The following KYNU variants were observed in gnomAD, a reference collection of about 807,000 sequenced individuals.
KYNU encodes L-kynurenine hydrolase.
A neutral mutation model predicts 59.2 loss-of-function variants in KYNU; 54 were observed. The ratio of observed to expected loss-of-function variants is 0.91; its 90% CI spans 0.73 to 1.14. The LOEUF is 1.14. Ranked by LOEUF, KYNU falls within the 50% of genes most tolerant of loss-of-function variation. The pLI, the probability that KYNU is intolerant of heterozygous loss-of-function variation, is 0.00. For synonymous variants in KYNU, 177 were observed against 192.0 expected (o/e 0.92, Z 0.65); for missense variants, 567 against 554.4 (o/e 1.02, Z -0.23).
intron 8 of KYNU, among the ~76,000 whole-genome samples, chr2:142,977,372 G>T (rs865811257): frequency 2.1e-4 from 28 of 131,188 alleles, no homozygotes; most frequent in African/African-American, 3.8e-4. Flanking sequence ...ATTTTGTGTG[G>T]ATATATATAT....
At chr2:142,992,012 A>G (rs1184115912) in intron 10 of KYNU, among the ~76,000 whole-genome samples, 2 of 151,926 alleles carry the variant, frequency 1.3e-5, no homozygotes, top group African/African-American at 2.4e-5. Context: ...TCTATGAATT[A>G]CTCTACAAAT....
intron 3 of KYNU, among the ~76,000 whole-genome samples, chr2:142,923,333 A>G (rs1378908516): frequency 6.6e-6 from 1 of 152,252 alleles, no homozygotes; most frequent in Non-Finnish European, 1.5e-5. Flanking sequence ...GTAGATTAAT[A>G]ACACATTGAA....
At chr2:142,902,356 G>A (rs1335561462) in intron 2 of KYNU, among the ~76,000 whole-genome samples, 1 of 152,100 alleles carries the variant, frequency 6.6e-6, no homozygotes, top group Non-Finnish European at 1.5e-5. Flanking sequence ...TGAGTCTTGG[G>A]TTAAGGCCTT....
At chr2:143,034,968 G>A (rs979072073) in intron 12 of KYNU, among the ~76,000 whole-genome samples, 1 of 152,120 alleles carries the variant, frequency 6.6e-6, no homozygotes, top group Non-Finnish European at 1.5e-5. Flanking sequence ...TTTCTGCAGT[G>A]GACTGGCTTT....
intron 7 of KYNU, among the ~76,000 whole-genome samples, chr2:142,958,826 A>G (rs2105093660): frequency 6.6e-6 from 1 of 152,310 alleles, no homozygotes; most frequent in South Asian, 2.1e-4. Flanking sequence ...TGATTTTTTA[A>G]GATATAAATT....
intron 10 of KYNU, among the ~76,000 whole-genome samples, chr2:142,996,191 G>A (rs773599030): frequency 5.3e-5 from 8 of 151,954 alleles, no homozygotes; most frequent in Non-Finnish European, 4.4e-5. Flanking sequence ...CATGCTTTTT[G>A]TAGTAGGCCA....
chr2:142,934,469 A>T (rs569701536), intron 4 of KYNU, among the ~76,000 whole-genome samples: 1 of 152,132 alleles, frequency 6.6e-6, no homozygotes, highest in South Asian at 2.1e-4. Flanking sequence ...AAAGGAGTGG[A>T]GTTTGGCATG....
At chr2:142,927,569 G>C (rs1683083588) in intron 3 of KYNU, 90 bp from the exon 4 acceptor site, 1 of 981,464 alleles carries the variant, frequency 1.0e-6, no homozygotes, top group Admixed American at 1.7e-5. Flanking sequence ...GGTCCACATA[G>C]AAATGTTTAT....
chr2:142,894,527 T>C (rs969886311), intron 2 of KYNU, among the ~76,000 whole-genome samples: 4 of 152,172 alleles, frequency 2.6e-5, no homozygotes, highest in African/African-American at 4.8e-5. Context: ...AACAAGATCC[T>C]AGATCAAGAA....
intron 8 of KYNU, among the ~76,000 whole-genome samples, chr2:142,961,654 T>C (rs1309097844): frequency 6.6e-6 from 1 of 152,132 alleles, no homozygotes; most frequent in Non-Finnish European, 1.5e-5. Flanking sequence ...AATGAGAGCT[T>C]TTTTTCCTAC....
chr2:142,996,000 G>A (rs376448143), intron 10 of KYNU, among the ~76,000 whole-genome samples: 13 of 151,974 alleles, frequency 8.6e-5, no homozygotes, highest in Non-Finnish European at 1.3e-4. Context: ...TGTACCAAAC[G>A]TGTCTCTGTT....
intron 1 of KYNU, among the ~76,000 whole-genome samples, chr2:142,884,688 CTTTTTTT>C (rs70997529): frequency 4.0e-3 from 307 of 77,084 alleles, no homozygotes; most frequent in Middle Eastern, 9.8e-3. Context: ...TTCTCTTTTC[CTTTTTTT>C]TTTTTTTTTT....
chr2:142,893,029 A>G (rs1030102335), intron 2 of KYNU, among the ~76,000 whole-genome samples: 4 of 152,214 alleles, frequency 2.6e-5, no homozygotes, highest in Admixed American at 2.6e-4. Context: ...TCTGCAAAGA[A>G]GACTGAGTCT....
intron 4 of KYNU, among the ~76,000 whole-genome samples, chr2:142,951,389 A>T (rs887679781): frequency 2.6e-5 from 4 of 152,258 alleles, no homozygotes; most frequent in African/African-American, 9.6e-5. Flanking sequence ...CCCTGTCTCT[A>T]CCAAAAATAC....
intron 2 of KYNU, among the ~76,000 whole-genome samples, chr2:142,888,941 G>A (rs920854836): frequency 6.6e-6 from 1 of 150,546 alleles, no homozygotes; most frequent in African/African-American, 2.5e-5. Context: ...ATGATAATGA[G>A]GGCTGTGAAG....
chr2:143,043,197 A>C lies in KYNU; in HGVS notation c.*1025A>C, dbSNP rs1359536318. 1 of 151,922 alleles carries C rather than the reference A, an allele frequency of 6.6e-6. No individual in the cohort carries two copies. The highest frequency in any genetic ancestry group is 2.4e-5 in the African/African-American group (1 of 41,398). The allele number at this position is 151,922 out of a possible 1,614,324, so 9.4% of individuals were successfully genotyped here. ...ACTATGTTTCCATAGTAAATAAATAACCCCAAGATCTTTTTGGGGATTAGA... is the reference window on the plus strand; with the variant it reads ...ACTATGTTTCCATAGTAAATAAATACCCCCAAGATCTTTTTGGGGATTAGA... On this transcript the variant is annotated 3_prime_UTR_variant, in exon 14 of 14. Transcript: ENST00000264170.
At chr2:142,940,251 C>G (rs1395769235) in intron 4 of KYNU, among the ~76,000 whole-genome samples, 1 of 152,200 alleles carries the variant, frequency 6.6e-6, no homozygotes, top group African/African-American at 2.4e-5. Flanking sequence ...CTTCTCTTAG[C>G]TGTGAATTTT....
chr2:142,932,229 T>C (rs1171866572), intron 4 of KYNU, among the ~76,000 whole-genome samples: 1 of 152,104 alleles, frequency 6.6e-6, no homozygotes, highest in Non-Finnish European at 1.5e-5. Flanking sequence ...GAAAGAGTTG[T>C]GGAGTCTTTG....
chr2:142,909,335 C>T (rs1028996513), intron 2 of KYNU, among the ~76,000 whole-genome samples: 2 of 151,884 alleles, frequency 1.3e-5, no homozygotes, highest in Non-Finnish European at 2.9e-5. Flanking sequence ...CTGCACTTTG[C>T]TGTTTGTATT....
Sources: allele counts gnomAD v4.1 joint callset (sites outside exome capture counted in the v4.1 genomes callset), GRCh38; gene constraint gnomAD v4.1.1; transcripts MANE v1.5; gene names NCBI Gene and HGNC (gene_info 2026-07-23, HGNC 2026-07-21).